The following GRM7 variants were observed in gnomAD, a reference collection of about 807,000 sequenced individuals.
GRM7 encodes the protein metabotropic glutamate receptor 7.
Under a neutral mutation model 84.5 loss-of-function variants are expected in GRM7, and 35 were observed. The observed-to-expected ratio is 0.41, with a 90% CI of 0.32 to 0.55. The LOEUF (loss-of-function observed/expected upper bound fraction) is 0.55. Ranked by LOEUF, GRM7 falls within the 20% of genes least tolerant of loss-of-function variation. The probability of loss-of-function intolerance (pLI) is 0.19; values close to 1 mark genes in which losing one functional copy is unlikely to be tolerated. For missense variants in GRM7, 1,003 were observed against 1,194.6 expected (o/e 0.84, Z 2.36); for synonymous variants, 487 against 455.1 (o/e 1.07, Z -0.89).
At chr3:7,630,904 A>C (rs2125096109) in intron 8 of GRM7, among the ~76,000 whole-genome samples, 1 of 152,314 alleles carries the variant, frequency 6.6e-6, no homozygotes, top group East Asian at 1.9e-4. Flanking sequence ...AGCCCGATGA[A>C]CCCAGTGAAT....
chr3:6,964,067 G>A (rs1039361885), intron 1 of GRM7, among the ~76,000 whole-genome samples: 5 of 152,082 alleles, frequency 3.3e-5, no homozygotes, highest in Non-Finnish European at 7.4e-5. Flanking sequence ...CTTACTCAAT[G>A]CTTAATTGAA....
chr3:7,010,798 C>T (rs181186335), intron 1 of GRM7, among the ~76,000 whole-genome samples: 3 of 152,272 alleles, frequency 2.0e-5, no homozygotes, highest in African/African-American at 4.8e-5. Context: ...AAGGTTCAGT[C>T]CCTTTTGTGG....
intron 7 of GRM7, among the ~76,000 whole-genome samples, chr3:7,487,687 G>A (rs1486917318): frequency 6.6e-6 from 1 of 152,168 alleles, no homozygotes; most frequent in Non-Finnish European, 1.5e-5. Context: ...GAGAAGTGGA[G>A]GCATAGCACT....
At chr3:7,150,338 C>T (rs1006315569) in intron 2 of GRM7, among the ~76,000 whole-genome samples, 4 of 152,122 alleles carry the variant, frequency 2.6e-5, no homozygotes, top group African/African-American at 4.8e-5. Flanking sequence ...CCACCATGCT[C>T]ACCGTCACAG....
intron 5 of GRM7, among the ~76,000 whole-genome samples, chr3:7,424,333 GC>G (rs1244934257): frequency 6.6e-6 from 1 of 151,742 alleles, no homozygotes; most frequent in Non-Finnish European, 1.5e-5. Flanking sequence ...AAAAGTCAGG[GC>G]TCCTCCATGA....
At chr3:7,075,712 G>C (rs1489152341) in intron 1 of GRM7, among the ~76,000 whole-genome samples, 1 of 152,050 alleles carries the variant, frequency 6.6e-6, no homozygotes, top group Non-Finnish European at 1.5e-5. Context: ...TTTTAGTAGA[G>C]ACAGGGTTTC....
At chr3:6,957,781 G>A (rs144731568) in intron 1 of GRM7, among the ~76,000 whole-genome samples, 1 of 152,132 alleles carries the variant, frequency 6.6e-6, no homozygotes. Context: ...AATAAGTGGT[G>A]AGAAAACACA....
intron 1 of GRM7, among the ~76,000 whole-genome samples, chr3:6,869,061 AT>A (rs1053451496): frequency 6.6e-6 from 1 of 152,142 alleles, no homozygotes; most frequent in African/African-American, 2.4e-5. Flanking sequence ...CATTTTTATT[AT>A]GTTTTAAACT....
chr3:6,938,847 A>C (rs1697785656), intron 1 of GRM7, among the ~76,000 whole-genome samples: 1 of 152,200 alleles, frequency 6.6e-6, no homozygotes, highest in African/African-American at 2.4e-5. Flanking sequence ...CAACAAGGGA[A>C]GGTCAAGCTC....
At chr3:7,087,053 A>G (rs1463074815) in intron 1 of GRM7, among the ~76,000 whole-genome samples, 1 of 152,222 alleles carries the variant, frequency 6.6e-6, no homozygotes, top group Non-Finnish European at 1.5e-5. Context: ...ACAGGAGGCC[A>G]CAATAAAAAT....
intron 2 of GRM7, among the ~76,000 whole-genome samples, chr3:7,237,740 G>A (rs997386387): frequency 3.9e-5 from 6 of 152,158 alleles, no homozygotes; most frequent in South Asian, 2.1e-4. Flanking sequence ...AAGTGGACCC[G>A]AGTGGGTTGC....
chr3:7,219,164 G>C (rs116267736), intron 2 of GRM7, among the ~76,000 whole-genome samples: 4 of 151,904 alleles, frequency 2.6e-5, no homozygotes, highest in Admixed American at 6.6e-5. Context: ...TTTTTTTCCC[G>C]ACTGCTAAAT....
At chr3:7,324,562 G>T (rs1280201940) in intron 4 of GRM7, among the ~76,000 whole-genome samples, 1 of 152,126 alleles carries the variant, frequency 6.6e-6, no homozygotes, top group Admixed American at 6.6e-5. Flanking sequence ...GTACCTACGG[G>T]TCCCCTCAAG....
At chr3:7,114,150 A>G (rs1692952602) in intron 1 of GRM7, among the ~76,000 whole-genome samples, 1 of 152,172 alleles carries the variant, frequency 6.6e-6, no homozygotes. Context: ...GAAAACGTGT[A>G]AGTTCAATGA....
chr3:7,372,794 T>A (rs542357209), intron 4 of GRM7, among the ~76,000 whole-genome samples: 1 of 152,128 alleles, frequency 6.6e-6, no homozygotes, highest in South Asian at 2.1e-4. Flanking sequence ...TTATATGTGG[T>A]GTATGTGACA....
chr3:7,440,727 T>C (rs1044453933), intron 5 of GRM7, among the ~76,000 whole-genome samples: 1 of 152,166 alleles, frequency 6.6e-6, no homozygotes, highest in African/African-American at 2.4e-5. Flanking sequence ...CTCCCCCTTA[T>C]AAGTGAGAAA....
intron 3 of GRM7, among the ~76,000 whole-genome samples, chr3:7,305,145 C>G (rs963780494): frequency 6.6e-6 from 1 of 152,106 alleles, no homozygotes; most frequent in Non-Finnish European, 1.5e-5. Flanking sequence ...GTTTAAAATT[C>G]CTAGAGTGTC....
chr3:7,199,277 C>G (rs920722111), intron 2 of GRM7, among the ~76,000 whole-genome samples: 13 of 152,178 alleles, frequency 8.5e-5, no homozygotes, highest in African/African-American at 3.1e-4. Flanking sequence ...TGAGACATGA[C>G]ATGGATGAAG....
chr3:6,913,781 T>A (rs1057458448), intron 1 of GRM7, among the ~76,000 whole-genome samples: 1 of 152,174 alleles, frequency 6.6e-6, no homozygotes, highest in African/African-American at 2.4e-5. Flanking sequence ...CACCTAACCC[T>A]ACTTCTGATC....
Sources: allele counts gnomAD v4.1 joint callset (sites outside exome capture counted in the v4.1 genomes callset), GRCh38; gene constraint gnomAD v4.1.1; transcripts MANE v1.5; gene names NCBI Gene and HGNC (gene_info 2026-07-23, HGNC 2026-07-21).